Variants in TBC1D16 observed in about 807,000 individuals in gnomAD.
TBC1D16 encodes TBC1 domain family member 16, also known as CTD-2529O21.1.
A neutral mutation model predicts 74.7 loss-of-function variants in TBC1D16; 58 were observed. That is an observed-to-expected ratio of 0.78 (90% CI 0.63 to 0.97). The LOEUF (loss-of-function observed/expected upper bound fraction) is 0.97, where lower values mean the gene tolerates loss of function less well. TBC1D16 is among the 50% of genes least tolerant of loss of function. The pLI is 0.00. For missense variants in TBC1D16, 1,014 were observed against 1,079.5 expected (o/e 0.94, Z 0.85); for synonymous variants, 493 against 474.7 (o/e 1.04, Z -0.50).
chr17:79,949,873 A>G lies in TBC1D16; in HGVS notation c.1258-8T>C, dbSNP rs2032901047. The G allele has an allele frequency of 6.2e-7, 1 of 1,610,524 alleles. No homozygotes were observed. Reference sequence around the variant, plus strand: ...ACCGCCAAAGAAAATGGCCTGGAGGAAGCGGCAAAAGTTGGGGAGGGGATA... The same window carrying G: ...ACCGCCAAAGAAAATGGCCTGGAGGGAGCGGCAAAAGTTGGGGAGGGGATA... On this transcript the variant is annotated splice_polypyrimidine_tract_variant and splice_region_variant and intron_variant, in intron 6 of 11. Transcript: ENST00000310924.
intron 1 of TBC1D16, among the ~76,000 whole-genome samples, chr17:80,023,662 C>G (rs75117193): frequency 0.21 from 30,713 of 144,264 alleles, 4,450 homozygotes; most frequent in East Asian, 0.45. Flanking sequence ...GCCGGGCCCC[C>G]CCCCACCGGC....
intron 3 of TBC1D16, among the ~76,000 whole-genome samples, chr17:79,998,210 T>A (rs2035349929): frequency 6.6e-6 from 1 of 151,624 alleles, no homozygotes; most frequent in Non-Finnish European, 1.5e-5. Flanking sequence ...TCTGCCCATT[T>A]ATCTTTTTCT....
At chr17:79,947,599 C>A in intron 9 of TBC1D16, 46 bp downstream of exon 9, 1 of 1,595,168 alleles carries the variant, frequency 6.3e-7, no homozygotes, top group Non-Finnish European at 8.6e-7. Context: ...AGAGGCAACA[C>A]GGGCCCTCAC....
chr17:79,950,387 C>A lies in TBC1D16; in HGVS notation c.1257+24G>T. On this transcript the variant is annotated intron_variant, in intron 6 of 11. Transcript: ENST00000310924. The surrounding 1 kb of genome is among the most constrained non-coding windows in gnomAD (Gnocchi z 4.6). Reference sequence around the variant, plus strand: ...GTTCCCGGCCGGCTCTCCGCGGGGCCAGCTGGGCGGACCCGGACCTCACCT... The same window carrying A: ...GTTCCCGGCCGGCTCTCCGCGGGGCAAGCTGGGCGGACCCGGACCTCACCT... 6.3e-7 allele frequency: 1 copy of A among 1,583,150 alleles called. No homozygotes were observed. The highest frequency in any genetic ancestry group is 8.6e-7 in the Non-Finnish European group (1 of 1,165,206).
At position 79,947,869 on chromosome 17, in the gene TBC1D16, C is replaced by T. The variant is rs375021654; in HGVS notation, c.1542-38G>A. On this transcript the variant is annotated intron_variant, in intron 8 of 11. Coordinates refer to ENST00000310924, the MANE Select transcript of TBC1D16 (RefSeq NM_019020.4). ...GGAGACAGCAGTGGGTGGGGATGAC[C>T]CTCACCGCGGCACACTGCCCAGCCT... 5 of 1,576,036 alleles carry T rather than the reference C, an allele frequency of 3.2e-6. No individual in the cohort carries two copies. In the African/African-American group the frequency reaches 6.7e-5, roughly 21 times the overall value.
Position 79,939,795 on chromosome 17 carries a change from C to T in TBC1D16, c.*1064G>A, listed in dbSNP as rs1598303891. ...GGCTCCTTCACTGTGGTCGCTCTCA[C>T]GTCCGACCACCTGAGAAGCTGACTT... On this transcript the variant is annotated 3_prime_UTR_variant, in exon 12 of 12. Transcript: ENST00000310924. The T allele has an allele frequency of 6.6e-6, 1 of 152,156 alleles. No individual in the cohort carries two copies. The highest frequency in any genetic ancestry group is 1.5e-5 in the Non-Finnish European group (1 of 68,030). The allele number at this position is 152,156 out of a possible 1,614,324, so 9.4% of individuals were successfully genotyped here.
At chr17:79,958,305 C>A (rs563763993) in intron 3 of TBC1D16, among the ~76,000 whole-genome samples, 2 of 151,564 alleles carry the variant, frequency 1.3e-5, no homozygotes, top group Non-Finnish European at 2.9e-5. Context: ...CTGCAACCTC[C>A]ACCTCCCGGG....
In TBC1D16 at chr17:79,979,794, C is replaced by T. The variant is rs2034501537; in HGVS notation, c.780-26976G>A. On this transcript the variant is annotated intron_variant, in intron 3 of 11. Coordinates refer to ENST00000310924, the MANE Select transcript of TBC1D16 (RefSeq NM_019020.4). This position sits in a 1 kb window ranked among gnomAD's most constrained non-coding sequence, Gnocchi z 4.8. ...AGCTCACCCTGACTAGAGAACCAAG[C>T]AGAGACTGAGGCCAGAGAATAACCA... is the stretch of plus-strand genomic sequence containing the variant. 6.6e-6 allele frequency among the ~76,000 whole-genome samples: 1 copy of T among 151,870 alleles called. No homozygotes were observed. The highest frequency in any genetic ancestry group is 1.5e-5 in the Non-Finnish European group (1 of 67,958).
chr17:79,947,952 G>T, intron 8 of TBC1D16, 121 bp from the exon 9 acceptor site: 1 of 774,576 alleles, frequency 1.3e-6, no homozygotes, highest in Middle Eastern at 3.6e-4. Context: ...TCAGTGGAAG[G>T]CAGCTGTGCC....
chr17:79,988,601 G>C lies in TBC1D16; in HGVS notation c.779+21559C>G, dbSNP rs1272344375. On this transcript the variant is annotated intron_variant, in intron 3 of 11. Transcript: ENST00000310924. The surrounding 1 kb of genome is among the most constrained non-coding windows in gnomAD (Gnocchi z 5.7). ...ACGTGCCTGCGTTCTGTACCAAACAGTTGTCAACACACACCAGCAACTTAA... is the reference window on the plus strand; with the variant it reads ...ACGTGCCTGCGTTCTGTACCAAACACTTGTCAACACACACCAGCAACTTAA... 2.6e-5 allele frequency among the ~76,000 whole-genome samples: 4 copies of C among 152,344 alleles called. No individual in the cohort carries two copies. Among genetic ancestry groups the C allele is most frequent in the Non-Finnish European group, 5.9e-5 (4 of 68,034 alleles).
chr17:80,011,181 C>T (rs569520081), intron 2 of TBC1D16, among the ~76,000 whole-genome samples: 10 of 151,552 alleles, frequency 6.6e-5, no homozygotes, highest in African/African-American at 2.2e-4. Flanking sequence ...GCTGGGACTA[C>T]AGGTGCACAC....
rs2035784260 is a variant in TBC1D16 at position 80,009,093 on chromosome 17, G to A, written c.779+1067C>T. 1.3e-5 allele frequency among the ~76,000 whole-genome samples: 2 copies of A among 152,248 alleles called. No homozygotes were observed. The highest frequency in any genetic ancestry group is 2.1e-4 in the South Asian group (1 of 4,834). ...GGCCCACCTCACGGGGCGTGGGGCTGTGGAAAGCACACACGTACCATCCAT... is the reference window on the plus strand; with the variant it reads ...GGCCCACCTCACGGGGCGTGGGGCTATGGAAAGCACACACGTACCATCCAT... On this transcript the variant is annotated intron_variant, in intron 3 of 11. Transcript: ENST00000310924. The surrounding 1 kb of genome is among the most constrained non-coding windows in gnomAD (Gnocchi z 5.4).
intron 1 of TBC1D16, among the ~76,000 whole-genome samples, chr17:80,031,767 A>G (rs2036784857): frequency 6.6e-6 from 1 of 152,192 alleles, no homozygotes; most frequent in Middle Eastern, 3.2e-3. Context: ...GAAAGACTAA[A>G]CACAAAGGGT....
intron 1 of TBC1D16, among the ~76,000 whole-genome samples, chr17:80,031,172 G>C (rs907972966): frequency 1.3e-5 from 2 of 152,214 alleles, no homozygotes; most frequent in Non-Finnish European, 2.9e-5. Flanking sequence ...CCCAGTCCCC[G>C]GGCAGCAGGC....
rs2035456668 is a variant in TBC1D16 at position 80,000,750 on chromosome 17, C to T, written c.779+9410G>A. On this transcript the variant is annotated intron_variant, in intron 3 of 11. Transcript: ENST00000310924. The surrounding 1 kb of genome is among the most constrained non-coding windows in gnomAD (Gnocchi z 4.1). The stretch of plus-strand genomic sequence containing the variant: ...ACGGCCTTCCTGAACCCCCACAATG[C>T]CCCCACTTCACAGAGGAGTAAACTG... Among the ~76,000 whole-genome samples, 1 of 152,124 alleles carries T rather than the reference C, an allele frequency of 6.6e-6. No homozygotes were observed. Among genetic ancestry groups the T allele is most frequent in the African/African-American group, 2.4e-5 (1 of 41,406 alleles).
At chr17:80,030,648 G>A (rs2036743683) in intron 1 of TBC1D16, among the ~76,000 whole-genome samples, 2 of 152,222 alleles carry the variant, frequency 1.3e-5, no homozygotes, top group Non-Finnish European at 2.9e-5. Flanking sequence ...GCCACCTTGG[G>A]TTAGGGGCCA....
rs76343314 is a variant in TBC1D16 at position 79,998,180 on chromosome 17, G to A, written c.779+11980C>T. Among the ~76,000 whole-genome samples, 495 of 149,628 alleles carry A rather than the reference G, an allele frequency of 3.3e-3. 5 individuals carry two copies. Among genetic ancestry groups the A allele is most frequent in the African/African-American group, 0.012 (480 of 40,750 alleles). On this transcript the variant is annotated intron_variant, in intron 3 of 11. Coordinates refer to ENST00000310924, the MANE Select transcript of TBC1D16 (RefSeq NM_019020.4). The stretch of plus-strand genomic sequence containing the variant: ...AAAGAAAAGGAAAAAGAATAGTGTC[G>A]CTGCCTTTGGAATCCAGTATCTGCC...
rs1468665214 is a variant in TBC1D16 at position 79,990,378 on chromosome 17, G to A, written c.779+19782C>T. On this transcript the variant is annotated intron_variant, in intron 3 of 11. Transcript: ENST00000310924. The surrounding 1 kb of genome is among the most constrained non-coding windows in gnomAD (Gnocchi z 4.8). ...CCATGAGAGCCTCCTGTTGCAGCCC[G>A]GGCAGAGGTGAGCCTGGGCAGCCAC... Among the ~76,000 whole-genome samples the A allele has an allele frequency of 6.6e-6, 1 of 152,184 alleles. No homozygotes were observed. Among genetic ancestry groups the A allele is most frequent in the Non-Finnish European group, 1.5e-5 (1 of 68,028 alleles).
Position 80,010,572 on chromosome 17 carries a change from G to A in TBC1D16, c.367C>T (p.His123Tyr), listed in dbSNP as rs1413218666. 2.5e-6 allele frequency: 4 copies of A among 1,601,362 alleles called. No homozygotes were observed. Among genetic ancestry groups the A allele is most frequent in the South Asian group, 2.2e-5 (2 of 88,970 alleles). The change falls in exon 3 of 12, where the codon CAC (histidine) becomes TAC (tyrosine). Residue 123 changes from histidine to tyrosine, a missense_variant. His to Tyr is a moderately conservative substitution (Grantham distance 83). Transcript: ENST00000310924. The surrounding 1 kb of genome is among the most constrained non-coding windows in gnomAD (Gnocchi z 8.8). The part of the protein sequence containing the change: ...GRRTRSSGAS[H>Y]QPSPTELRPT... Reference sequence around the variant, plus strand: ...CGCAGCTCCGTCGGGGAGGGCTGGTGGGAGGCTCCTGAGCTCCGGGTGCGC... The same window carrying A: ...CGCAGCTCCGTCGGGGAGGGCTGGTAGGAGGCTCCTGAGCTCCGGGTGCGC...
Sources: allele counts gnomAD v4.1 joint callset (sites outside exome capture counted in the v4.1 genomes callset), GRCh38; gene constraint gnomAD v4.1.1; non-coding constraint Gnocchi (gnomAD v3.1); transcripts MANE v1.5; gene names NCBI Gene and HGNC (gene_info 2026-07-23, HGNC 2026-07-21).